MYT1L: variants seen among roughly 807,000 people sequenced by gnomAD.
MYT1L encodes the protein myelin transcription factor 1 like.
Under a neutral mutation model 126.7 loss-of-function variants are expected in MYT1L, and 12 were observed. The ratio of observed to expected loss-of-function variants is 0.09; its 90% CI spans 0.06 to 0.15. The LOEUF (loss-of-function observed/expected upper bound fraction) is 0.15, where lower values mean the gene tolerates loss of function less well. MYT1L is among the 10% of genes least tolerant of loss of function. The pLI is 1.00. For synonymous variants in MYT1L, 541 were observed against 604.2 expected (o/e 0.90, Z 1.53); for missense variants, 979 against 1,585.2 (o/e 0.62, Z 6.49).
chr2:1,995,746 A>G (rs573824088), intron 5 of MYT1L, among the ~76,000 whole-genome samples: 81 of 152,272 alleles, frequency 5.3e-4, no homozygotes, highest in African/African-American at 1.9e-3. Context: ...CCCAGACAAC[A>G]CTGCCTGGGC....
intron 14 of MYT1L, 140 bp from the exon 15 acceptor site, chr2:1,892,427 A>G (rs2049013996): frequency 8.8e-7 from 1 of 1,137,400 alleles, no homozygotes; most frequent in Non-Finnish European, 1.2e-6. Flanking sequence ...GCTTACGCGT[A>G]AAGAAAACAA....
intron 4 of MYT1L, among the ~76,000 whole-genome samples, chr2:2,023,644 CAT>C (rs2065250118): frequency 6.7e-6 from 1 of 149,958 alleles, no homozygotes; most frequent in African/African-American, 2.5e-5. Flanking sequence ...TTTCAAACAA[CAT>C]AGAGGACTGA....
intron 3 of MYT1L, among the ~76,000 whole-genome samples, chr2:2,154,324 GA>G: frequency 1.3e-5 from 2 of 152,248 alleles, no homozygotes; most frequent in East Asian, 1.9e-4. Context: ...CAATAGCTAG[GA>G]AACTTAAAAC....
At chr2:2,227,407 T>C (rs1480592534) in intron 2 of MYT1L, among the ~76,000 whole-genome samples, 1 of 152,190 alleles carries the variant, frequency 6.6e-6, no homozygotes, top group Non-Finnish European at 1.5e-5. Flanking sequence ...TCTGTGTGTT[T>C]CCCATAAGCT....
chr2:1,943,380 ATC>A lies in MYT1L; in HGVS notation c.153-48_153-47del. The A allele has an allele frequency of 6.7e-7, 1 of 1,483,124 alleles. No homozygotes were observed. Among genetic ancestry groups the A allele is most frequent in the Non-Finnish European group, 8.9e-7 (1 of 1,118,980 alleles). 91.9% of individuals were successfully genotyped at this position (1,483,124 alleles called of 1,614,324 possible). A position where few individuals can be genotyped will look rare whatever the true frequency, so the allele number is the denominator to read the frequency against. On this transcript the variant is annotated intron_variant, in intron 8 of 24. Transcript: ENST00000647738. The surrounding 1 kb of genome is among the most constrained non-coding windows in gnomAD (Gnocchi z 4.4). ...GGCAGGGGAGAGAGAGAAAAAAAAT[ATC>A]TGTGTTACTGTCTTTTAAAATCAGA...
chr2:2,094,590 C>T (rs1041618894), intron 3 of MYT1L, among the ~76,000 whole-genome samples: 14 of 151,980 alleles, frequency 9.2e-5, no homozygotes, highest in Admixed American at 6.6e-5. Flanking sequence ...TACTATGTGG[C>T]CATAAAAAAT....
At chr2:2,103,767 C>T (rs900637402) in intron 3 of MYT1L, among the ~76,000 whole-genome samples, 7 of 152,188 alleles carry the variant, frequency 4.6e-5, no homozygotes, top group East Asian at 3.9e-4. Flanking sequence ...TTCTCCTTCA[C>T]GAGAAACAAC....
At chr2:2,019,813 TCA>T (rs1288223469) in intron 4 of MYT1L, among the ~76,000 whole-genome samples, 3 of 152,138 alleles carry the variant, frequency 2.0e-5, no homozygotes, top group Non-Finnish European at 4.4e-5. Context: ...TATTTTTTTT[TCA>T]GTTTGAGTTG....
At chr2:2,071,810 G>C (rs1030470389) in intron 3 of MYT1L, among the ~76,000 whole-genome samples, 2 of 152,114 alleles carry the variant, frequency 1.3e-5, no homozygotes, top group African/African-American at 4.8e-5. Flanking sequence ...CTAATTAGGA[G>C]GCTACTGCAG....
intron 2 of MYT1L, among the ~76,000 whole-genome samples, chr2:2,182,727 T>A (rs1427006524): frequency 6.6e-6 from 1 of 152,180 alleles, no homozygotes; most frequent in Non-Finnish European, 1.5e-5. Context: ...CCCTTTGGGT[T>A]TTGGGGAAGG....
intron 3 of MYT1L, among the ~76,000 whole-genome samples, chr2:2,075,294 G>A (rs918636753): frequency 6.6e-6 from 1 of 152,020 alleles, no homozygotes; most frequent in Non-Finnish European, 1.5e-5. Context: ...CCCTTTTGTG[G>A]GTCTTTCTTT....
At position 1,929,126 on chromosome 2, in the gene MYT1L, G is replaced by T. The variant is rs575366209; in HGVS notation, c.506-5863C>A. Among the ~76,000 whole-genome samples the T allele has an allele frequency of 6.6e-6, 1 of 152,260 alleles. No individual in the cohort carries two copies. The highest frequency in any genetic ancestry group is 1.9e-4 in the East Asian group (1 of 5,172). ...CCCTCTCGCTTCAAAGGCCCCAGGC[G>T]CATGCTGAGACACTGCAGTCTCTTT... is the stretch of plus-strand genomic sequence containing the variant. On this transcript the variant is annotated intron_variant, in intron 9 of 24. Transcript: ENST00000647738. This position sits in a 1 kb window ranked among gnomAD's most constrained non-coding sequence, Gnocchi z 4.7.
intron 20 of MYT1L, among the ~76,000 whole-genome samples, chr2:1,840,288 C>T (rs968577184): frequency 6.6e-6 from 1 of 152,132 alleles, no homozygotes; most frequent in African/African-American, 2.4e-5. Context: ...GGCAGCCCAG[C>T]GGTAGTCACA....
intron 3 of MYT1L, among the ~76,000 whole-genome samples, chr2:2,159,374 G>A (rs187178928): frequency 2.4e-4 from 36 of 152,246 alleles, no homozygotes; most frequent in Middle Eastern, 3.4e-3. Flanking sequence ...CTGCAAATGC[G>A]TGTTTTAATT....
rs1064793641 is a variant in MYT1L at position 1,889,303 on chromosome 2, G to A, written c.2458C>T (p.Pro820Ser). The A allele has an allele frequency of 6.2e-7, 1 of 1,613,762 alleles. No homozygotes were observed. The highest frequency in any genetic ancestry group is 1.6e-4 in the Middle Eastern group (1 of 6,062). Residue 820 changes from proline (P) to serine (S), a missense_variant, in exon 16 of 25, where the codon CCC becomes TCC. Pro to Ser is a moderately conservative substitution (Grantham distance 74). Transcript: ENST00000647738. This position sits in a 1 kb window ranked among gnomAD's most constrained non-coding sequence, Gnocchi z 4.1. ...QLGEGDCWDLPVDYTKMKPRR... is the reference protein window; with the variant it reads ...QLGEGDCWDLSVDYTKMKPRR... ...GGTTTCATTTTGGTGTAGTCTACGGGCAAGTCCCAGCAGTCGCCCTCGCCC... is the reference window on the plus strand; with the variant it reads ...GGTTTCATTTTGGTGTAGTCTACGGACAAGTCCCAGCAGTCGCCCTCGCCC...
intron 3 of MYT1L, among the ~76,000 whole-genome samples, chr2:2,095,508 G>A (rs2077350643): frequency 6.6e-6 from 1 of 152,192 alleles, no homozygotes; most frequent in African/African-American, 2.4e-5. Context: ...CCCAGAAGCA[G>A]TGTCAGCACC....
At position 1,886,588 on chromosome 2, in the gene MYT1L, C is replaced by T; in HGVS notation, c.2662G>A (p.Ala888Thr). Reference protein sequence around the residue: ...DLITLSGCPLADKSIRSMLAT... With the variant: ...DLITLSGCPLTDKSIRSMLAT... Reference sequence around the variant, plus strand: ...AGCATACTTCGAATGCTTTTGTCCGCCAGGGGGCAGCCAGACAGACTGTAA... The same window carrying T: ...AGCATACTTCGAATGCTTTTGTCCGTCAGGGGGCAGCCAGACAGACTGTAA... The change falls in exon 18 of 25, where the codon GCG (alanine) becomes ACG (threonine). Residue 888 changes from alanine to threonine, a missense_variant. Ala to Thr is a moderately conservative substitution (Grantham distance 58). Transcript: ENST00000647738. 6.3e-7 allele frequency: 1 copy of T among 1,581,472 alleles called. No individual in the cohort carries two copies. The highest frequency in any genetic ancestry group is 8.6e-7 in the Non-Finnish European group (1 of 1,164,450).
chr2:2,304,311 T>G (rs2095829372), intron 1 of MYT1L, among the ~76,000 whole-genome samples: 1 of 152,122 alleles, frequency 6.6e-6, no homozygotes, highest in Non-Finnish European at 1.5e-5. Context: ...GTTATGTAAC[T>G]ATGGTAGGTA....
intron 3 of MYT1L, among the ~76,000 whole-genome samples, chr2:2,120,257 T>C (rs1391997552): frequency 1.3e-5 from 2 of 152,122 alleles, no homozygotes; most frequent in African/African-American, 4.8e-5. Context: ...GTCGCTGCCC[T>C]TGCAAGCTCA....
Sources: allele counts gnomAD v4.1 joint callset (sites outside exome capture counted in the v4.1 genomes callset), GRCh38; gene constraint gnomAD v4.1.1; non-coding constraint Gnocchi (gnomAD v3.1); transcripts MANE v1.5; gene names NCBI Gene and HGNC (gene_info 2026-07-23, HGNC 2026-07-21).